PCMT1: variants seen among roughly 807,000 people sequenced by gnomAD.
The protein encoded by PCMT1 is protein-L-isoaspartate(D-aspartate) O-methyltransferase.
PCMT1 carries 9 observed loss-of-function variants against 29.2 expected under a neutral mutation model. The ratio of observed to expected loss-of-function variants is 0.31; its 90% confidence interval spans 0.19 to 0.54. The LOEUF is 0.54. PCMT1 is among the 20% of genes least tolerant of loss of function. The pLI is 0.95. For missense variants in PCMT1, 184 were observed against 282.2 expected (o/e 0.65, Z 2.49); for synonymous variants, 98 against 97.5 (o/e 1.00, Z -0.03).
chr6:149,795,365 A>G lies in PCMT1; in HGVS notation c.419-1050A>G, dbSNP rs1788559428. The G allele has an allele frequency of 7.5e-6, 3 of 400,926 alleles. No homozygotes were observed. The Admixed American group carries it at 9.4e-5, about 13-fold the overall frequency. The allele number at this position is 400,926 out of a possible 1,614,324, so 24.8% of individuals were successfully genotyped here. ...AGAAACACTAGTCAGTCAAGTTTAG[A>G]TAATAGCTGTTAAGATATCTGGGGA... On this transcript the variant is annotated intron_variant, in intron 5 of 7. Transcript: ENST00000464889.
chr6:149,773,621 C>T (rs140982650), intron 3 of PCMT1, among the ~76,000 whole-genome samples: 9,881 of 152,216 alleles, frequency 0.065, 461 homozygotes, highest in South Asian at 0.11. Context: ...CCTCGTGATC[C>T]GCCTGCCTCG....
In PCMT1 at chr6:149,773,154, C is replaced by G; in HGVS notation, c.177C>G (p.Ile59Met). 2 of 1,610,672 alleles carry G rather than the reference C, an allele frequency of 1.2e-6. No individual in the cohort carries two copies. Among genetic ancestry groups the G allele is most frequent in the Non-Finnish European group, 1.7e-6 (2 of 1,177,552 alleles). ...CTTTTGCAGGTTTCCAAGCAACAATCAGTGCTCCACACATGGTAAGTTAAG... is the reference window on the plus strand; with the variant it reads ...CTTTTGCAGGTTTCCAAGCAACAATGAGTGCTCCACACATGGTAAGTTAAG... The part of the protein sequence containing the change: ...SPQSIGFQAT[I>M]SAPHMHAYAL... Residue 59 changes from isoleucine to methionine, a missense_variant, in exon 3 of 8, where the codon ATC becomes ATG. Ile to Met is a conservative substitution (Grantham distance 10). Coordinates refer to ENST00000464889, the MANE Select transcript of PCMT1 (RefSeq NM_001360452.2).
chr6:149,785,530 T>C (rs1245472650), intron 3 of PCMT1, among the ~76,000 whole-genome samples: 1 of 151,446 alleles, frequency 6.6e-6, no homozygotes, highest in Non-Finnish European at 1.5e-5. Flanking sequence ...AGGTCTCTGG[T>C]TTTCCTAGGC....
Position 149,796,491 on chromosome 6 carries a change from ACC to A in PCMT1, c.498_499del (p.Gln167GlyfsTer29). ...IHVGAAAPVV[P>X]QALIDQLKPG... ...ATGTGGGAGCTGCAGCCCCTGTTGT[ACC>A]CCAGGCGGTGAGTCGGGATTTTTTC... On this transcript the variant is annotated frameshift_variant, in exon 6 of 8. Coordinates refer to ENST00000464889, the MANE Select transcript of PCMT1 (RefSeq NM_001360452.2). LOFTEE classifies it high-confidence loss of function. 1 of 1,612,380 alleles carries A rather than the reference ACC, an allele frequency of 6.2e-7. No homozygotes were observed.
intron 3 of PCMT1, among the ~76,000 whole-genome samples, chr6:149,779,069 C>T (rs1480059733): frequency 3.3e-5 from 5 of 151,952 alleles, no homozygotes; most frequent in South Asian, 2.1e-4. Flanking sequence ...GTGCGGGGCC[C>T]GGGTTGAGAG....
intron 1 of PCMT1, among the ~76,000 whole-genome samples, chr6:149,754,633 T>C (rs1324603957): frequency 6.6e-6 from 1 of 152,140 alleles, no homozygotes; most frequent in Non-Finnish European, 1.5e-5. Flanking sequence ...TCAACTGAGG[T>C]CTGAAAATAT....
chr6:149,769,308 C>CTTTTTTTTTTTT (rs372773939), intron 1 of PCMT1, among the ~76,000 whole-genome samples: 899 of 71,460 alleles, frequency 0.013, 256 homozygotes, highest in East Asian at 0.058. Context: ...GTGCAGGATT[C>CTTTTTTTTTTTT]TTTTTTTTTT....
chr6:149,789,066 ATTTTTTTTTTTT>A (rs56661461), intron 3 of PCMT1, among the ~76,000 whole-genome samples: 1 of 90,476 alleles, frequency 1.1e-5, no homozygotes, highest in African/African-American at 4.9e-5. Context: ...ATTGGATCTG[ATTTTTTTTTTTT>A]TTTTTTTTTT....
intron 7 of PCMT1, among the ~76,000 whole-genome samples, chr6:149,807,532 G>A (rs1171739657): frequency 3.3e-5 from 5 of 151,814 alleles, no homozygotes; most frequent in East Asian, 1.9e-4. Flanking sequence ...CACGAGGCCC[G>A]GCTAATTTTT....
At chr6:149,769,308 C>CTTTTTTTTTTTTTTTTTTTTTTTTTTT (rs372773939) in intron 1 of PCMT1, among the ~76,000 whole-genome samples, 3 of 71,544 alleles carry the variant, frequency 4.2e-5, no homozygotes, top group African/African-American at 8.6e-5. Flanking sequence ...GTGCAGGATT[C>CTTTTTTTTTTTTTTTTTTTTTTTTTTT]TTTTTTTTTT....
chr6:149,789,066 A>ATTTTTTT (rs56661461), intron 3 of PCMT1, among the ~76,000 whole-genome samples: 15 of 90,504 alleles, frequency 1.7e-4, no homozygotes, highest in African/African-American at 3.4e-4. Flanking sequence ...ATTGGATCTG[A>ATTTTTTT]TTTTTTTTTT....
chr6:149,796,616 T>G (rs1271815710), intron 6 of PCMT1, 116 bp downstream of exon 6: 1 of 672,878 alleles, frequency 1.5e-6, no homozygotes, highest in Non-Finnish European at 2.5e-6. Flanking sequence ...ATATCATACA[T>G]TTTGGTTACA....
At chr6:149,790,932 A>G (rs1788339072) in intron 4 of PCMT1, among the ~76,000 whole-genome samples, 2 of 152,078 alleles carry the variant, frequency 1.3e-5, no homozygotes, top group Non-Finnish European at 1.5e-5. Context: ...CCTTGAGCCC[A>G]GGAGGTGGAG....
At chr6:149,782,856 T>C (rs1005809550) in intron 3 of PCMT1, among the ~76,000 whole-genome samples, 2 of 151,934 alleles carry the variant, frequency 1.3e-5, no homozygotes, top group Non-Finnish European at 2.9e-5. Context: ...AATAATGAAA[T>C]TTTAAAAATC....
At position 149,749,755 on chromosome 6, in the gene PCMT1, G is replaced by A. The variant is rs1185056623; in HGVS notation, c.-147G>A. ...GCCGGGAGCGCGCAGTGGCGGCAGC[G>A]GCGGCGACGGCAGTAACAGCGGCAG... On this transcript the variant is annotated 5_prime_UTR_variant, in exon 1 of 8. Transcript: ENST00000464889. 6.5e-7 allele frequency: 1 copy of A among 1,546,436 alleles called. No individual in the cohort carries two copies. The highest frequency in any genetic ancestry group is 2.0e-5 in the Admixed American group (1 of 50,850).
intron 3 of PCMT1, among the ~76,000 whole-genome samples, chr6:149,786,799 T>G (rs1377296407): frequency 1.4e-5 from 2 of 143,936 alleles, no homozygotes; most frequent in Non-Finnish European, 3.0e-5. Flanking sequence ...GATGGGATGG[T>G]GGCCGGAAAG....
intron 1 of PCMT1, among the ~76,000 whole-genome samples, chr6:149,760,998 A>C (rs926201597): frequency 2.0e-5 from 3 of 151,706 alleles, no homozygotes; most frequent in African/African-American, 7.3e-5. Flanking sequence ...ATCACTATAT[A>C]CTGGATTATA....
In PCMT1 at chr6:149,789,977, A is replaced by G. The variant is rs1436931535; in HGVS notation, c.216A>G (p.Leu72=). The change falls in exon 4 of 8, where the codon CTA becomes CTG. Residue 72 remains leucine, a synonymous_variant. Coordinates refer to ENST00000464889, the MANE Select transcript of PCMT1 (RefSeq NM_001360452.2). The part of the protein sequence containing the change: ...PHMHAYALEL[L]FDQLHEGAKA... ...AGCATGCATATGCGCTAGAACTTCTATTTGATCAGTTGCATGAAGGAGCTA... is the reference window on the plus strand; with the variant it reads ...AGCATGCATATGCGCTAGAACTTCTGTTTGATCAGTTGCATGAAGGAGCTA... 7 of 1,608,548 alleles carry G rather than the reference A, an allele frequency of 4.4e-6. No individual in the cohort carries two copies. The highest frequency in any genetic ancestry group is 5.9e-6 in the Non-Finnish European group (7 of 1,178,388).
chr6:149,808,243 A>C (rs1007416297), intron 7 of PCMT1, among the ~76,000 whole-genome samples: 1 of 152,070 alleles, frequency 6.6e-6, no homozygotes, highest in Non-Finnish European at 1.5e-5. Context: ...TAATGAATAT[A>C]TTTAGCATAG....
Sources: allele counts gnomAD v4.1 joint callset (sites outside exome capture counted in the v4.1 genomes callset), GRCh38; gene constraint gnomAD v4.1.1; transcripts MANE v1.5; gene names NCBI Gene and HGNC (gene_info 2026-07-23, HGNC 2026-07-21).